PDE8B: variants seen among roughly 807,000 people sequenced by gnomAD.
PDE8B encodes high affinity cAMP-specific and IBMX-insensitive 3',5'-cyclic phosphodiesterase 8B.
PDE8B carries 26 observed loss-of-function variants against 101.3 expected under a neutral mutation model. The ratio of observed to expected loss-of-function variants is 0.26; its 90% CI spans 0.19 to 0.36. The LOEUF (loss-of-function observed/expected upper bound fraction) is 0.36, where lower values mean the gene tolerates loss of function less well. Ranked by LOEUF, PDE8B falls within the 10% of genes least tolerant of loss-of-function variation. The pLI, the probability that PDE8B is intolerant of heterozygous loss-of-function variation, is 1.00. For synonymous variants in PDE8B, 424 were observed against 429.3 expected (o/e 0.99, Z 0.15); for missense variants, 810 against 1,163.1 (o/e 0.70, Z 4.42).
Position 77,343,081 on chromosome 5 carries a change from C to G in PDE8B, c.798-1772C>G, listed in dbSNP as rs936197831. Among the ~76,000 whole-genome samples the G allele has an allele frequency of 2.6e-5, 4 of 152,174 alleles. 1 individual carries two copies. The East Asian group carries it at 7.7e-4, about 29-fold the overall frequency. On this transcript the variant is annotated intron_variant, in intron 6 of 21. Transcript: ENST00000264917. ...TCATTCAGCACACACATAGTCCATT[C>G]CATGATCCACGAAGATTTCACTGAA...
intron 1 of PDE8B, among the ~76,000 whole-genome samples, chr5:77,242,387 G>A (rs766116958): frequency 6.6e-6 from 1 of 152,216 alleles, no homozygotes; most frequent in African/African-American, 2.4e-5. Context: ...ATCTACATCA[G>A]CATGTTTTAA....
At chr5:77,146,814 C>A in the PDE8B span, 1 of 345,346 alleles carries the variant, frequency 2.9e-6, no homozygotes, top group Non-Finnish European at 5.9e-6. Context: ...TCCTAAAGAT[C>A]CCCTTTAGGA....
At chr5:77,170,773 T>C in the PDE8B span, among the ~76,000 whole-genome samples, 1,468 of 152,344 alleles carry the variant, frequency 9.6e-3, 11 homozygotes, top group Non-Finnish European at 0.017. Flanking sequence ...TATTTCTAGA[T>C]AAATATGTGA....
Position 77,331,395 on chromosome 5 carries a change from G to T in PDE8B, c.651-7G>T, listed in dbSNP as rs991784154. 1 of 1,613,056 alleles carries T rather than the reference G, an allele frequency of 6.2e-7. No individual in the cohort carries two copies. The highest frequency in any genetic ancestry group is 1.7e-5 in the Admixed American group (1 of 59,996). ...GCTGAGTGACCACATTTTCTGCTTT[G>T]CTGCAGATCGGATGACCATGAAGAG... On this transcript the variant is annotated splice_region_variant and splice_polypyrimidine_tract_variant and intron_variant, in intron 4 of 21. Coordinates refer to ENST00000264917, the MANE Select transcript of PDE8B (RefSeq NM_003719.5).
chr5:77,280,512 T>C (rs1341435098), intron 1 of PDE8B, among the ~76,000 whole-genome samples: 1 of 152,266 alleles, frequency 6.6e-6, no homozygotes, highest in East Asian at 1.9e-4. Context: ...GAAAATAACA[T>C]TGCAAAAATG....
chr5:77,372,141 A>G (rs1192012382), intron 10 of PDE8B, among the ~76,000 whole-genome samples: 1 of 152,164 alleles, frequency 6.6e-6, no homozygotes, highest in East Asian at 1.9e-4. Context: ...CAGAGGTTAC[A>G]GTGAGCTGAG....
chr5:77,217,641 T>A (rs2149408802), intron 1 of PDE8B, among the ~76,000 whole-genome samples: 1 of 152,080 alleles, frequency 6.6e-6, no homozygotes, highest in South Asian at 2.1e-4. Flanking sequence ...GCTGAAGCTA[T>A]CCTCCTGCCT....
chr5:77,265,954 A>G (rs1460032382), intron 1 of PDE8B, among the ~76,000 whole-genome samples: 1 of 152,158 alleles, frequency 6.6e-6, no homozygotes, highest in Non-Finnish European at 1.5e-5. Context: ...CTGAAACTGA[A>G]GAGAGAAGTG....
chr5:77,158,626 G>A, the PDE8B span, among the ~76,000 whole-genome samples: 1 of 152,176 alleles, frequency 6.6e-6, no homozygotes, highest in African/African-American at 2.4e-5. Flanking sequence ...GGTGGCCTGT[G>A]GGTGGAATAC....
At chr5:77,260,070 A>G (rs1760151913) in intron 1 of PDE8B, among the ~76,000 whole-genome samples, 1 of 150,066 alleles carries the variant, frequency 6.7e-6, no homozygotes, top group African/African-American at 2.4e-5. Flanking sequence ...AGGCTGAGGC[A>G]GGAGAATCGC....
At chr5:77,225,138 A>G (rs1337068216) in intron 1 of PDE8B, among the ~76,000 whole-genome samples, 2 of 152,174 alleles carry the variant, frequency 1.3e-5, no homozygotes, top group African/African-American at 2.4e-5. Flanking sequence ...TGCTTCTGGA[A>G]TGCATCTATA....
At chr5:77,407,713 C>G (rs537270022) in intron 13 of PDE8B, among the ~76,000 whole-genome samples, 2 of 152,214 alleles carry the variant, frequency 1.3e-5, no homozygotes, top group South Asian at 4.1e-4. Flanking sequence ...GGGAAACTCT[C>G]AGTCATGTTT....
the PDE8B span, among the ~76,000 whole-genome samples, chr5:77,150,054 A>G: frequency 6.6e-6 from 1 of 152,202 alleles, no homozygotes; most frequent in African/African-American, 2.4e-5. Flanking sequence ...AGCAGAGCTT[A>G]TGATGCACTG....
intron 1 of PDE8B, among the ~76,000 whole-genome samples, chr5:77,306,155 G>T (rs571630667): frequency 4.4e-4 from 67 of 152,290 alleles, no homozygotes; most frequent in African/African-American, 1.6e-3. Flanking sequence ...CATCTGTTTT[G>T]CAGAGTCTGA....
chr5:77,210,637 C>T, upstream of PDE8B: 2 of 981,886 alleles, frequency 2.0e-6, no homozygotes, highest in Non-Finnish European at 1.2e-6. This position sits in a 1 kb window ranked among gnomAD's most constrained non-coding sequence, Gnocchi z 4.9. Flanking sequence ...GTTTGGGGCG[C>T]CGCGGCGGGG....
chr5:77,416,288 TA>T (rs1795546671), intron 17 of PDE8B, among the ~76,000 whole-genome samples: 1 of 152,130 alleles, frequency 6.6e-6, no homozygotes, highest in Non-Finnish European at 1.5e-5. Context: ...ATTGAAGAAT[TA>T]AAAAATAAAC....
chr5:77,307,857 C>T (rs1771616842), intron 1 of PDE8B, among the ~76,000 whole-genome samples: 1 of 152,134 alleles, frequency 6.6e-6, no homozygotes, highest in African/African-American at 2.4e-5. Context: ...GTTACCTATG[C>T]CCCCACCCCT....
At chr5:77,101,749 A>G in the PDE8B span, among the ~76,000 whole-genome samples, 1 of 152,116 alleles carries the variant, frequency 6.6e-6, no homozygotes, top group African/African-American at 2.4e-5. Context: ...GAATACTTGG[A>G]GTGATTGAAA....
chr5:77,167,828 C>G, the PDE8B span, among the ~76,000 whole-genome samples: 2 of 152,166 alleles, frequency 1.3e-5, no homozygotes, highest in African/African-American at 4.8e-5. Flanking sequence ...GAGGCCCACC[C>G]TGCGGGACCG....
Sources: allele counts gnomAD v4.1 joint callset (sites outside exome capture counted in the v4.1 genomes callset), GRCh38; gene constraint gnomAD v4.1.1; non-coding constraint Gnocchi (gnomAD v3.1); transcripts MANE v1.5; gene names NCBI Gene and HGNC (gene_info 2026-07-23, HGNC 2026-07-21).